Variants in DCDC1 observed in about 807,000 individuals in gnomAD.
DCDC1 encodes doublecortin domain-containing protein 1.
In DCDC1, 200 loss-of-function variants were observed where a neutral mutation model predicts 178.3. The ratio of observed to expected loss-of-function variants is 1.12; its 90% CI spans 1.00 to 1.26. The LOEUF (loss-of-function observed/expected upper bound fraction) is 1.26, where lower values mean the gene tolerates loss of function less well. DCDC1 is among the 50% of genes most tolerant of loss of function. DCDC1 has a pLI of 0.00. For synonymous variants in DCDC1, 690 were observed against 604.8 expected, an observed-to-expected ratio of 1.14 and a Z score of -2.07; for missense variants, 1,983 against 1,749.2, an observed-to-expected ratio of 1.13 and a Z score of -2.38.
chr11:31,304,833 T>A (rs1273064700), intron 6 of DCDC1, among the ~76,000 whole-genome samples: 6 of 152,136 alleles, frequency 3.9e-5, no homozygotes, highest in Non-Finnish European at 7.4e-5. Flanking sequence ...AAAGTCCTTA[T>A]TCCTGTTATT....
In DCDC1 at chr11:31,014,088, G is replaced by A. The variant is rs182171484; in HGVS notation, c.2591+50381C>T. ...GCAATATGACCGTATTTGGAGACAGGGTCTTTAAGGAAGAAATTAGGCTTA... is the reference window on the plus strand; with the variant it reads ...GCAATATGACCGTATTTGGAGACAGAGTCTTTAAGGAAGAAATTAGGCTTA... On this transcript the variant is annotated intron_variant, in intron 20 of 38. Transcript: ENST00000684477. Among the ~76,000 whole-genome samples, 211 of 152,192 alleles carry A rather than the reference G, an allele frequency of 1.4e-3. 1 individual carries two copies. Among genetic ancestry groups the A allele is most frequent in the African/African-American group, 4.5e-3 (187 of 41,524 alleles).
chr11:31,355,797 G>A (rs562638090), intron 1 of DCDC1, among the ~76,000 whole-genome samples: 2 of 152,144 alleles, frequency 1.3e-5, no homozygotes, highest in South Asian at 2.1e-4. Flanking sequence ...TCGAGCTCCC[G>A]ACCTCAAGTG....
intron 7 of DCDC1, among the ~76,000 whole-genome samples, chr11:31,268,686 C>T (rs936060898): frequency 1.2e-4 from 18 of 152,224 alleles, no homozygotes; most frequent in African/African-American, 2.2e-4. Flanking sequence ...GATGAACACA[C>T]GAGTGCATGC....
chr11:30,880,197 G>A (rs1411913698), intron 37 of DCDC1, among the ~76,000 whole-genome samples: 3 of 152,116 alleles, frequency 2.0e-5, no homozygotes, highest in African/African-American at 7.2e-5. Flanking sequence ...AAGAGCCAGG[G>A]TGAAGGGTAG....
intron 9 of DCDC1, among the ~76,000 whole-genome samples, chr11:31,239,221 A>G (rs1591510595): frequency 6.6e-6 from 1 of 152,172 alleles, no homozygotes; most frequent in East Asian, 1.9e-4. Flanking sequence ...ATTCTTTAAA[A>G]CAATCTTATA....
At chr11:31,283,522 C>G (rs774872000) in intron 7 of DCDC1, among the ~76,000 whole-genome samples, 1 of 151,564 alleles carries the variant, frequency 6.6e-6, no homozygotes, top group Admixed American at 6.6e-5. Context: ...GTTTAAATGT[C>G]TTTTTCTGTT....
chr11:31,068,883 G>A (rs985138503), intron 18 of DCDC1, among the ~76,000 whole-genome samples: 7 of 150,226 alleles, frequency 4.7e-5, no homozygotes, highest in Non-Finnish European at 7.4e-5. Flanking sequence ...ATGGAGTCTC[G>A]CTCTGTAGCC....
rs756444965 is a variant in DCDC1 at position 31,064,530 on chromosome 11, C to T, written c.2530G>A (p.Glu844Lys). 2.2e-5 allele frequency: 17 copies of T among 765,824 alleles called. No individual in the cohort carries two copies. Among genetic ancestry groups the T allele is most frequent in the African/African-American group, 1.7e-4 (10 of 59,078 alleles). 47.4% of individuals were successfully genotyped at this position (765,824 alleles called of 1,614,324 possible). The change falls in exon 20 of 39, where the codon GAG becomes AAG. Residue 844 changes from glutamate to lysine, a missense_variant. Physicochemically the swap from Glu to Lys is moderately conservative, Grantham distance 56. Transcript: ENST00000684477. ...MPEGSLEETGELTVALVRKLE... is the reference protein window; with the variant it reads ...MPEGSLEETGKLTVALVRKLE... ...TTCCTCACCAGTGCTACTGTCAGCT[C>T]CCCCGTCTCCTCAAGAGAACCTTCT...
At chr11:30,935,545 C>CTGTT (rs113179033) in intron 21 of DCDC1, among the ~76,000 whole-genome samples, 4,591 of 152,078 alleles carry the variant, frequency 0.03, 230 homozygotes, top group African/African-American at 0.1. Context: ...CCCATGTTTT[C>CTGTT]TGTTTGTTTG....
At chr11:31,280,822 G>T (rs1347282058) in intron 7 of DCDC1, 13 of 619,712 alleles carry the variant, frequency 2.1e-5, no homozygotes, top group Non-Finnish European at 4.0e-5. Flanking sequence ...TGATGCCTTT[G>T]TTCTTATTGG....
At chr11:31,075,683 G>A (rs1956824286) in intron 18 of DCDC1, among the ~76,000 whole-genome samples, 1 of 152,136 alleles carries the variant, frequency 6.6e-6, no homozygotes, top group Admixed American at 6.6e-5. Context: ...CCATTTGTAT[G>A]TCTTCTTTTG....
chr11:31,090,389 T>C (rs1312917020), intron 17 of DCDC1, among the ~76,000 whole-genome samples: 1 of 152,206 alleles, frequency 6.6e-6, no homozygotes, highest in Non-Finnish European at 1.5e-5. Flanking sequence ...TTTGCCTTCC[T>C]GCCAAACCAC....
chr11:31,190,894 A>C (rs1365025829), intron 9 of DCDC1, among the ~76,000 whole-genome samples: 1 of 152,014 alleles, frequency 6.6e-6, no homozygotes, highest in Non-Finnish European at 1.5e-5. Context: ...TATTAATTTG[A>C]AAGAACTCTA....
intron 8 of DCDC1, among the ~76,000 whole-genome samples, chr11:31,263,780 C>T (rs1218117276): frequency 6.6e-6 from 1 of 152,048 alleles, no homozygotes; most frequent in Admixed American, 6.6e-5. Flanking sequence ...TAGCAACATC[C>T]CAAAATCACT....
At chr11:31,170,695 C>T (rs550658588) in intron 9 of DCDC1, among the ~76,000 whole-genome samples, 1 of 152,282 alleles carries the variant, frequency 6.6e-6, no homozygotes, top group East Asian at 1.9e-4. Flanking sequence ...ACTGTAAAAG[C>T]AAATGGTCCT....
At chr11:31,102,403 A>C (rs1420607281) in intron 14 of DCDC1, 121 bp from the exon 15 acceptor site, 1 of 457,342 alleles carries the variant, frequency 2.2e-6, no homozygotes, top group Non-Finnish European at 4.0e-6. Flanking sequence ...CTAATAATTT[A>C]TATATCAAAT....
In DCDC1 at chr11:31,224,613, C is replaced by A. The variant is rs1412855203; in HGVS notation, c.1221+16837G>T. ...AAATATTTGCAAACTATGCAGCAGA[C>A]AAAAAACTAATATCCAGAATCTACA... On this transcript the variant is annotated intron_variant, in intron 9 of 38. Transcript: ENST00000684477. Among the ~76,000 whole-genome samples, 3 of 151,962 alleles carry A rather than the reference C, an allele frequency of 2.0e-5. No homozygotes were observed. The East Asian group carries it at 5.8e-4, about 29-fold the overall frequency.
intron 7 of DCDC1, among the ~76,000 whole-genome samples, chr11:31,266,452 T>C (rs1372245701): frequency 6.6e-6 from 1 of 152,176 alleles, no homozygotes; most frequent in African/African-American, 2.4e-5. Flanking sequence ...AGGCAGGTTG[T>C]TAATAGGTTT....
chr11:30,869,874 TA>T (rs1184208214), intron 38 of DCDC1, among the ~76,000 whole-genome samples: 3 of 152,130 alleles, frequency 2.0e-5, no homozygotes, highest in African/African-American at 4.8e-5. Context: ...GAGGGCCACT[TA>T]AGCTCTTTAA....
Sources: gnomAD v4.1 joint callset for allele counts (sites outside exome capture counted in the v4.1 genomes callset) on GRCh38, gnomAD v4.1.1 for gene constraint, MANE v1.5 for transcripts, NCBI Gene and HGNC (gene_info 2026-07-23, HGNC 2026-07-21) for gene names.